MND1: variants seen among roughly 807,000 people sequenced by gnomAD.
The protein encoded by MND1 is meiotic nuclear division protein 1 homolog.
MND1 carries 28 observed loss-of-function variants against 35.1 expected under a neutral mutation model. The ratio of observed to expected loss-of-function variants is 0.80; its 90% CI spans 0.59 to 1.09. The LOEUF is 1.09. Ranked by LOEUF, MND1 falls within the 50% of genes least tolerant of loss-of-function variation. MND1 has a pLI of 0.00. For synonymous variants in MND1, 69 were observed against 70.5 expected, an observed-to-expected ratio of 0.98 and a Z score of 0.11; for missense variants, 213 against 239.6, an observed-to-expected ratio of 0.89 and a Z score of 0.73.
At chr4:153,349,061 T>C (rs574901987) in intron 1 of MND1, among the ~76,000 whole-genome samples, 1 of 151,960 alleles carries the variant, frequency 6.6e-6, no homozygotes, top group African/African-American at 2.4e-5. Flanking sequence ...GTGGAGTTTT[T>C]TTATTAGAGA....
chr4:153,407,709 A>C (rs1473492248), intron 6 of MND1, among the ~76,000 whole-genome samples: 1 of 152,200 alleles, frequency 6.6e-6, no homozygotes, highest in Non-Finnish European at 1.5e-5. Context: ...AAAAAGAATG[A>C]GGTATTGATA....
At chr4:153,351,772 A>G (rs991505525) in intron 2 of MND1, among the ~76,000 whole-genome samples, 1 of 152,232 alleles carries the variant, frequency 6.6e-6, no homozygotes, top group Non-Finnish European at 1.5e-5. Context: ...TTTTCTATAG[A>G]TGTCAATAGT....
chr4:153,397,929 A>G (rs1398703672), intron 6 of MND1, among the ~76,000 whole-genome samples: 1 of 143,756 alleles, frequency 7.0e-6, no homozygotes, highest in Non-Finnish European at 1.6e-5. Flanking sequence ...AAGACATAAA[A>G]TATAAGGTTA....
At chr4:153,363,180 T>C (rs1254658836) in intron 4 of MND1, among the ~76,000 whole-genome samples, 1 of 151,712 alleles carries the variant, frequency 6.6e-6, no homozygotes, top group Non-Finnish European at 1.5e-5. Flanking sequence ...GTTGTTGCTC[T>C]TTGTTTTTTC....
chr4:153,372,403 G>T (rs1403669185), intron 4 of MND1, among the ~76,000 whole-genome samples: 2 of 151,172 alleles, frequency 1.3e-5, no homozygotes, highest in African/African-American at 4.8e-5. Flanking sequence ...AACTTTTTAT[G>T]TGTGTATATC....
intron 5 of MND1, 139 bp from the exon 6 acceptor site, chr4:153,397,080 G>A: frequency 3.7e-6 from 2 of 542,008 alleles, no homozygotes; most frequent in Admixed American, 3.3e-5. Context: ...ATCTGTGTGT[G>A]TATACTTATA....
chr4:153,377,082 C>T (rs530433054), intron 4 of MND1, among the ~76,000 whole-genome samples: 2 of 152,224 alleles, frequency 1.3e-5, no homozygotes, highest in Admixed American at 6.5e-5. Flanking sequence ...TTGTTTTCTT[C>T]CCCTGCTGAC....
chr4:153,379,221 C>T (rs189530599), intron 4 of MND1, among the ~76,000 whole-genome samples: 8 of 145,206 alleles, frequency 5.5e-5, no homozygotes, highest in Non-Finnish European at 1.0e-4. Flanking sequence ...ACCCAGGAGA[C>T]GGAGCTTGCA....
intron 4 of MND1, among the ~76,000 whole-genome samples, chr4:153,370,917 AGCC>A (rs1434137472): frequency 6.6e-6 from 1 of 152,074 alleles, no homozygotes; most frequent in Non-Finnish European, 1.5e-5. Flanking sequence ...TGGCAGTTAT[AGCC>A]TTACTGAAAG....
chr4:153,380,818 G>T (rs920372545), intron 4 of MND1, among the ~76,000 whole-genome samples: 1 of 152,078 alleles, frequency 6.6e-6, no homozygotes, highest in Non-Finnish European at 1.5e-5. Flanking sequence ...TTTTTTACTG[G>T]TAAGTTATTT....
At chr4:153,354,562 GCA>G (rs925705897) in intron 2 of MND1, among the ~76,000 whole-genome samples, 32 of 152,186 alleles carry the variant, frequency 2.1e-4, no homozygotes, top group African/African-American at 7.7e-4. Context: ...GAGTATAGTG[GCA>G]CAGTCATAGC....
intron 1 of MND1, among the ~76,000 whole-genome samples, chr4:153,348,143 A>G (rs1393571973): frequency 6.6e-6 from 1 of 152,202 alleles, no homozygotes; most frequent in Non-Finnish European, 1.5e-5. Flanking sequence ...GTAGAGATAG[A>G]ACAGACAGGA....
chr4:153,345,702 C>G (rs1773061385), intron 1 of MND1, among the ~76,000 whole-genome samples: 1 of 152,192 alleles, frequency 6.6e-6, no homozygotes, highest in Non-Finnish European at 1.5e-5. Context: ...GGGTGGGACA[C>G]CAGGATCCAG....
Position 153,397,094 on chromosome 4 carries a change from A to T in MND1, c.352-125A>T, listed in dbSNP as rs1729216066. 1.7e-5 allele frequency: 10 copies of T among 593,298 alleles called. No homozygotes were observed. In the South Asian group the frequency reaches 2.3e-4, roughly 14 times the overall value. 36.8% of individuals were successfully genotyped at this position (593,298 alleles called of 1,614,324 possible). On this transcript the variant is annotated intron_variant, in intron 5 of 7. Coordinates refer to ENST00000240488, the MANE Select transcript of MND1 (RefSeq NM_032117.4). ...TATCTGTGTGTGTATACTTATATAT[A>T]TAATGTCAAAAGTCTAATGCACATC...
intron 4 of MND1, among the ~76,000 whole-genome samples, chr4:153,358,938 G>A (rs1445948254): frequency 1.3e-5 from 2 of 152,164 alleles, no homozygotes; most frequent in Non-Finnish European, 2.9e-5. Context: ...AGTACAGAGA[G>A]TTCCCAAACG....
chr4:153,394,495 G>A (rs1410865346), intron 5 of MND1, among the ~76,000 whole-genome samples, 159 bp downstream of exon 5: 1 of 152,142 alleles, frequency 6.6e-6, no homozygotes, highest in Non-Finnish European at 1.5e-5. Flanking sequence ...CCAATTGTGA[G>A]TCTAGATTTT....
intron 7 of MND1, among the ~76,000 whole-genome samples, chr4:153,409,520 A>G (rs750300550): frequency 7.0e-4 from 106 of 152,178 alleles, no homozygotes; most frequent in Admixed American, 5.9e-4. Flanking sequence ...TAAGACCCTC[A>G]GGAGTCCAAG....
intron 4 of MND1, chr4:153,363,086 A>T: frequency 2.3e-6 from 2 of 860,530 alleles, no homozygotes; most frequent in Non-Finnish European, 2.8e-6. Context: ...GCTGGAGCTC[A>T]GTTCTAGCTC....
intron 3 of MND1, among the ~76,000 whole-genome samples, chr4:153,356,062 C>T (rs76519124): frequency 0.017 from 2,518 of 152,302 alleles, 42 homozygotes; most frequent in East Asian, 0.056. Flanking sequence ...GTCCCAGCCA[C>T]TCTGGAGGCT....
Sources: allele counts gnomAD v4.1 joint callset (sites outside exome capture counted in the v4.1 genomes callset), GRCh38; gene constraint gnomAD v4.1.1; transcripts MANE v1.5; gene names NCBI Gene and HGNC (gene_info 2026-07-23, HGNC 2026-07-21).